HERC2: variants seen among roughly 807,000 people sequenced by gnomAD.
HERC2 encodes the protein E3 ubiquitin-protein ligase HERC2.
HERC2 carries 102 observed loss-of-function variants against 537.7 expected under a neutral mutation model. The observed-to-expected ratio is 0.19, with a 90% CI of 0.16 to 0.22. The LOEUF is 0.22. Ranked by LOEUF, HERC2 falls within the 10% of genes least tolerant of loss-of-function variation. The pLI is 1.00. For synonymous variants in HERC2, 2,224 were observed against 2,466.2 expected, an observed-to-expected ratio of 0.90 and a Z score of 2.91; for missense variants, 4,236 against 6,198.2, an observed-to-expected ratio of 0.68 and a Z score of 10.63.
intron 2 of HERC2, chr15:28,316,074 T>C (rs1432620221): frequency 3.2e-5 from 10 of 312,236 alleles, no homozygotes; most frequent in Non-Finnish European, 6.3e-5. Context: ...AAAAAAAAAA[T>C]TATCTGGGTG....
chr15:28,129,779 C>CT (rs1566923647), intron 83 of HERC2, among the ~76,000 whole-genome samples: 1 of 61,912 alleles, frequency 1.6e-5, no homozygotes, highest in Admixed American at 2.6e-4. Context: ...GCCTCTGCCT[C>CT]CTTTTTTTTT....
At chr15:28,286,098 T>A (rs902016005) in intron 4 of HERC2, among the ~76,000 whole-genome samples, 1 of 151,932 alleles carries the variant, frequency 6.6e-6, no homozygotes, top group African/African-American at 2.4e-5. Flanking sequence ...CATCAAACAT[T>A]AAAAAAGAAT....
At chr15:28,251,153 A>G (rs1343204608) in intron 20 of HERC2, among the ~76,000 whole-genome samples, 1 of 152,180 alleles carries the variant, frequency 6.6e-6, no homozygotes, top group Non-Finnish European at 1.5e-5. Context: ...GGTTGTATTA[A>G]TAAATGTGGC....
chr15:28,298,577 C>G (rs2076534880), intron 3 of HERC2: 1 of 151,512 alleles, frequency 6.6e-6, no homozygotes, highest in Non-Finnish European at 1.5e-5. Flanking sequence ...GGGCGGATCA[C>G]GAGGTCAGGA....
rs768786460 is a variant in HERC2, at chr15:28,122,901, C to T, written c.13188+1136G>A. Among the ~76,000 whole-genome samples the T allele has an allele frequency of 3.1e-4, 47 of 152,166 alleles. No homozygotes were observed. Among genetic ancestry groups the T allele is most frequent in the African/African-American group, 1.1e-3 (44 of 41,432 alleles). The stretch of plus-strand genomic sequence containing the variant: ...AACGCTCACACAGGGCCAGGTGGGA[C>T]GTGCCCTGCCTCTCACTTTTTTTCT... On this transcript the variant is annotated intron_variant, in intron 85 of 92. Coordinates refer to ENST00000261609, the MANE Select transcript of HERC2 (RefSeq NM_004667.6). The surrounding 1 kb of genome is among the most constrained non-coding windows in gnomAD (Gnocchi z 4.1).
Position 28,214,256 on chromosome 15 carries a change from C to T in HERC2, c.6375G>A (p.Arg2125=), listed in dbSNP as rs1257837370. The T allele has an allele frequency of 1.2e-6, 2 of 1,611,524 alleles. No homozygotes were observed. Among genetic ancestry groups the T allele is most frequent in the East Asian group, 2.2e-5 (1 of 44,886 alleles). Residue 2125 remains arginine, a synonymous_variant, in exon 41 of 93, where the codon CGG becomes CGA. Coordinates refer to ENST00000261609, the MANE Select transcript of HERC2 (RefSeq NM_004667.6). ...GCGAGGCCTGCGGGCGCACCCTGCGCCGCCTCAGCGTGGACTCTGAGGAGG... is the reference window on the plus strand; with the variant it reads ...GCGAGGCCTGCGGGCGCACCCTGCGTCGCCTCAGCGTGGACTCTGAGGAGG... ...VPLLRESTLR[R]RRVRPQASLT... is the part of the protein sequence containing the mutation.
chr15:28,288,051 C>A (rs570379449), intron 4 of HERC2, among the ~76,000 whole-genome samples: 12 of 152,068 alleles, frequency 7.9e-5, no homozygotes, highest in African/African-American at 2.9e-4. Context: ...ATGAGAGGCC[C>A]AAGGTGAGAC....
At chr15:28,170,164 G>T (rs1894549441) in intron 65 of HERC2, among the ~76,000 whole-genome samples, 1 of 152,172 alleles carries the variant, frequency 6.6e-6, no homozygotes, top group Admixed American at 6.5e-5. Flanking sequence ...ATTCCCACCA[G>T]AATTCCAGCA....
intron 83 of HERC2, among the ~76,000 whole-genome samples, chr15:28,125,804 G>A (rs1394212617): frequency 6.6e-6 from 1 of 152,058 alleles, no homozygotes; most frequent in Non-Finnish European, 1.5e-5. Context: ...CTCCCAAAGT[G>A]TTGGGATTAC....
At chr15:28,112,642 C>T (rs919271412) in intron 92 of HERC2, among the ~76,000 whole-genome samples, 4 of 152,140 alleles carry the variant, frequency 2.6e-5, no homozygotes, top group African/African-American at 9.7e-5. Context: ...AGTGACCCGG[C>T]AGGTCCACTG....
intron 4 of HERC2, among the ~76,000 whole-genome samples, chr15:28,283,757 T>C (rs2076083631): frequency 6.6e-6 from 1 of 152,234 alleles, no homozygotes; most frequent in Non-Finnish European, 1.5e-5. Flanking sequence ...TTAAGGCAAG[T>C]ATGTTATGAA....
At chr15:28,146,812 G>A (rs1378655777) in intron 70 of HERC2, among the ~76,000 whole-genome samples, 6 of 142,980 alleles carry the variant, frequency 4.2e-5, no homozygotes, top group South Asian at 2.3e-4. Flanking sequence ...TCTGGTGTGA[G>A]AGGTGTGCGA....
intron 69 of HERC2, among the ~76,000 whole-genome samples, chr15:28,157,211 T>C (rs1396483977): frequency 6.6e-6 from 1 of 152,222 alleles, no homozygotes; most frequent in Non-Finnish European, 1.5e-5. Context: ...AAAATTCTTT[T>C]TGTTGTGTCT....
chr15:28,227,461 A>G (rs529635315), intron 35 of HERC2, among the ~76,000 whole-genome samples: 1 of 149,290 alleles, frequency 6.7e-6, no homozygotes, highest in Admixed American at 6.6e-5. Context: ...TCATCCAAAA[A>G]AAAAAAGAAA....
chr15:28,138,472 T>C (rs1596026479), intron 78 of HERC2, among the ~76,000 whole-genome samples: 1 of 152,296 alleles, frequency 6.6e-6, no homozygotes, highest in South Asian at 2.1e-4. Flanking sequence ...TTAAGAATTA[T>C]GCTAACTCCA....
intron 4 of HERC2, among the ~76,000 whole-genome samples, chr15:28,289,572 T>C (rs1451865525): frequency 6.6e-6 from 1 of 152,138 alleles, no homozygotes; most frequent in African/African-American, 2.4e-5. Context: ...AGCCAGTCGC[T>C]GGAGCTGATC....
At chr15:28,273,997 GAC>G (rs1447073162) in intron 7 of HERC2, among the ~76,000 whole-genome samples, 6 of 152,272 alleles carry the variant, frequency 3.9e-5, no homozygotes, top group Middle Eastern at 3.4e-3. Flanking sequence ...ATCACAGAGA[GAC>G]ACACAGTGTA....
At chr15:28,131,895 C>A (rs1201346375) in intron 81 of HERC2, among the ~76,000 whole-genome samples, 5 of 152,218 alleles carry the variant, frequency 3.3e-5, no homozygotes, top group Non-Finnish European at 5.9e-5. Context: ...GAACACCTTA[C>A]TCCCTCTAGG....
In HERC2 at chr15:28,163,427, A is replaced by C. The variant is rs10438451; in HGVS notation, c.10555-142T>G. Reference sequence around the variant, plus strand: ...AGGTGTTTAAGACCTTAAGAAACAGATTAAGAAACGACGGCCCCTAAAATC... The same window carrying C: ...AGGTGTTTAAGACCTTAAGAAACAGCTTAAGAAACGACGGCCCCTAAAATC... On this transcript the variant is annotated intron_variant, in intron 68 of 92. Transcript: ENST00000261609. 9,110 of 692,316 alleles carry C rather than the reference A, an allele frequency of 0.013. 602 individuals are homozygous for C. The African/African-American group carries it at 0.15, about 11-fold the overall frequency. 42.9% of individuals were successfully genotyped at this position (692,316 alleles called of 1,614,324 possible). A position where few individuals can be genotyped will look rare whatever the true frequency, so the allele number is the denominator to read the frequency against.
Sources: allele counts gnomAD v4.1 joint callset (sites outside exome capture counted in the v4.1 genomes callset), GRCh38; gene constraint gnomAD v4.1.1; non-coding constraint Gnocchi (gnomAD v3.1); transcripts MANE v1.5; gene names NCBI Gene and HGNC (gene_info 2026-07-23, HGNC 2026-07-21).